Variants in PRKCA observed in about 807,000 individuals in gnomAD.
PRKCA encodes protein kinase C alpha type.
Under a neutral mutation model 87.0 loss-of-function variants are expected in PRKCA, and 27 were observed. That is an observed-to-expected ratio of 0.31 (90% CI 0.23 to 0.43). The LOEUF (loss-of-function observed/expected upper bound fraction) is 0.43, where lower values mean the gene tolerates loss of function less well. PRKCA is among the 20% of genes least tolerant of loss of function. The probability of loss-of-function intolerance (pLI) is 1.00; values close to 1 mark genes in which losing one functional copy is unlikely to be tolerated. For missense variants in PRKCA, 518 were observed against 852.3 expected, an observed-to-expected ratio of 0.61 and a Z score of 4.88; for synonymous variants, 329 against 311.1, an observed-to-expected ratio of 1.06 and a Z score of -0.61.
chr17:66,602,236 G>A (rs373522505), intron 3 of PRKCA, among the ~76,000 whole-genome samples: 1 of 83,062 alleles, frequency 1.2e-5, no homozygotes, highest in African/African-American at 5.5e-5. Context: ...GTGGGCGTAG[G>A]ACCCTCTGAG....
At chr17:66,683,598 CTT>C (rs548017867) in intron 5 of PRKCA, among the ~76,000 whole-genome samples, 1 of 151,716 alleles carries the variant, frequency 6.6e-6, no homozygotes, top group Non-Finnish European at 1.5e-5. Context: ...GACTCCATAT[CTT>C]TTTTTGGGGG....
rs1282284054 is a variant in PRKCA, at chr17:66,302,652, G to GGCTCCC, written c.-188_-183dup. ...GGCCAGCGGGCGAGCCAGCGGCTCC[G>GGCTCCC]GCTCCCGCTCCCGCTCCGCGCAGCA... On this transcript the variant is annotated 5_prime_UTR_variant, in exon 1 of 17. Transcript: ENST00000413366. The GGCTCCC allele has an allele frequency of 5.0e-5, 9 of 178,780 alleles. No individual in the cohort carries two copies. Among genetic ancestry groups the GGCTCCC allele is most frequent in the Admixed American group, 2.0e-4 (3 of 14,840 alleles). 11.1% of individuals were successfully genotyped at this position (178,780 alleles called of 1,614,324 possible).
chr17:66,618,218 G>A lies in PRKCA; in HGVS notation c.289-23137G>A, dbSNP rs370821390. ...AAAAATACAAAAATTAGCTGGGTAC[G>A]GTGGTGGGCGCCTGTAATTCCAGCT... On this transcript the variant is annotated intron_variant, in intron 3 of 16. Coordinates refer to ENST00000413366, the MANE Select transcript of PRKCA (RefSeq NM_002737.3). Among the ~76,000 whole-genome samples the A allele has an allele frequency of 1.1e-4, 17 of 152,116 alleles. No homozygotes were observed. The East Asian group carries it at 2.5e-3, about 23-fold the overall frequency.
At chr17:66,588,985 T>C (rs563761947) in intron 3 of PRKCA, among the ~76,000 whole-genome samples, 2 of 152,302 alleles carry the variant, frequency 1.3e-5, no homozygotes, top group East Asian at 3.9e-4. Context: ...TTGCCTTTGT[T>C]CTTGATGGTT....
At chr17:66,796,643 C>T in intron 16 of PRKCA, 1 of 985,328 alleles carries the variant, frequency 1.0e-6, no homozygotes, top group Non-Finnish European at 1.2e-6. Flanking sequence ...AGACCAATGG[C>T]CAGACCCCTT....
intron 2 of PRKCA, among the ~76,000 whole-genome samples, chr17:66,474,076 G>C (rs560457617): frequency 1.3e-5 from 2 of 152,288 alleles, no homozygotes; most frequent in East Asian, 3.9e-4. Flanking sequence ...AATCATTTAT[G>C]AAGAAGATTA....
At chr17:66,538,703 C>T (rs1329695751) in intron 3 of PRKCA, among the ~76,000 whole-genome samples, 2 of 152,172 alleles carry the variant, frequency 1.3e-5, no homozygotes, top group African/African-American at 4.8e-5. Context: ...CCCTTGTGGG[C>T]AGTACTGTCC....
intron 14 of PRKCA, among the ~76,000 whole-genome samples, chr17:66,775,961 T>C (rs1446111406): frequency 6.6e-6 from 1 of 152,002 alleles, no homozygotes; most frequent in Non-Finnish European, 1.5e-5. Context: ...GAGGTTGAAA[T>C]TGGCCAGAGA....
chr17:66,698,988 A>G (rs1026912237), intron 8 of PRKCA, among the ~76,000 whole-genome samples: 2 of 130,676 alleles, frequency 1.5e-5, no homozygotes. Context: ...AAAAAAAAGA[A>G]AAAAAAAATG....
intron 2 of PRKCA, among the ~76,000 whole-genome samples, chr17:66,334,268 A>C (rs1422778688): frequency 6.6e-6 from 1 of 152,030 alleles, no homozygotes; most frequent in Admixed American, 6.5e-5. Flanking sequence ...ACAAAACAAA[A>C]CACCAAAAAA....
chr17:66,336,314 G>A (rs1386057658), intron 2 of PRKCA, among the ~76,000 whole-genome samples: 3 of 152,180 alleles, frequency 2.0e-5, no homozygotes, highest in African/African-American at 7.2e-5. Flanking sequence ...GCTATCAGTT[G>A]AAGTATGCTT....
intron 3 of PRKCA, among the ~76,000 whole-genome samples, chr17:66,607,134 A>G (rs953824906): frequency 2.0e-5 from 3 of 152,228 alleles, no homozygotes; most frequent in Admixed American, 1.3e-4. Flanking sequence ...TTTGCAGATT[A>G]TTTCAATCGG....
rs1010913578 is a variant in PRKCA at position 66,804,987 on chromosome 17, C to A, written c.*950C>A. On this transcript the variant is annotated 3_prime_UTR_variant, in exon 17 of 17. Transcript: ENST00000413366. Reference sequence around the variant, plus strand: ...GAAGCTGAAGTGTACGCCCTCTCCCCTTTTGTGCTTATTTATTTAATAGGC... The same window carrying A: ...GAAGCTGAAGTGTACGCCCTCTCCCATTTTGTGCTTATTTATTTAATAGGC... 2.0e-6 allele frequency: 2 copies of A among 984,966 alleles called. No individual in the cohort carries two copies. The highest frequency in any genetic ancestry group is 1.2e-6 in the Non-Finnish European group (1 of 829,440). 61.0% of individuals were successfully genotyped at this position (984,966 alleles called of 1,614,324 possible). A position where few individuals can be genotyped will look rare whatever the true frequency, so the allele number is the denominator to read the frequency against.
At chr17:66,775,677 A>G in intron 14 of PRKCA, 1 of 985,454 alleles carries the variant, frequency 1.0e-6, no homozygotes, top group South Asian at 4.7e-5. Context: ...GCCACCCCCA[A>G]AGACATCTTT....
intron 1 of PRKCA, 41 bp from the exon 2 acceptor site, chr17:66,306,055 A>G: frequency 6.2e-7 from 1 of 1,601,390 alleles, no homozygotes; most frequent in South Asian, 1.1e-5. Context: ...TATCCAACAG[A>G]AAATATGTTA....
At chr17:66,680,819 C>T (rs924988839) in intron 5 of PRKCA, among the ~76,000 whole-genome samples, 7 of 152,162 alleles carry the variant, frequency 4.6e-5, no homozygotes, top group Non-Finnish European at 1.0e-4. Flanking sequence ...AAGGGGCACA[C>T]GCTGGGTAGG....
At chr17:66,646,399 C>T (rs570259774) in intron 5 of PRKCA, among the ~76,000 whole-genome samples, 2 of 152,308 alleles carry the variant, frequency 1.3e-5, no homozygotes, top group African/African-American at 2.4e-5. Flanking sequence ...TTCTCGGTAC[C>T]ATGACCCACT....
At chr17:66,510,195 T>C (rs979664664) in intron 3 of PRKCA, among the ~76,000 whole-genome samples, 2 of 152,186 alleles carry the variant, frequency 1.3e-5, no homozygotes, top group Non-Finnish European at 2.9e-5. Context: ...ATCTGTGAAA[T>C]GTTTCCTGCG....
At chr17:66,794,589 A>G (rs1033866320) in intron 16 of PRKCA, among the ~76,000 whole-genome samples, 3 of 146,856 alleles carry the variant, frequency 2.0e-5, no homozygotes, top group African/African-American at 7.5e-5. Context: ...TGTTCGTGTT[A>G]TATTGTTTTT....
Sources: gnomAD v4.1 joint callset for allele counts (sites outside exome capture counted in the v4.1 genomes callset) on GRCh38, gnomAD v4.1.1 for gene constraint, MANE v1.5 for transcripts, NCBI Gene and HGNC (gene_info 2026-07-23, HGNC 2026-07-21) for gene names.